RANBP2: variants seen among roughly 807,000 people sequenced by gnomAD.
RANBP2 encodes RAN binding protein 2.
A neutral mutation model predicts 303.6 loss-of-function variants in RANBP2; 57 were observed. The ratio of observed to expected loss-of-function variants is 0.19; its 90% CI spans 0.15 to 0.23. The LOEUF (loss-of-function observed/expected upper bound fraction) is 0.23. RANBP2 is among the 10% of genes least tolerant of loss of function. RANBP2 has a pLI of 1.00. For synonymous variants in RANBP2, 1,167 were observed against 1,301.5 expected, an observed-to-expected ratio of 0.90 and a Z score of 2.23; for missense variants, 3,138 against 3,780.8, an observed-to-expected ratio of 0.83 and a Z score of 4.46.
the RANBP2 span, among the ~76,000 whole-genome samples, chr2:108,835,525 C>G: frequency 6.6e-6 from 1 of 152,164 alleles, no homozygotes; most frequent in Non-Finnish European, 1.5e-5. Flanking sequence ...ATATTTTTCA[C>G]AAAGTATTGG....
At chr2:109,485,217 G>A in the RANBP2 span, among the ~76,000 whole-genome samples, 4 of 148,864 alleles carry the variant, frequency 2.7e-5, no homozygotes, top group Non-Finnish European at 4.5e-5. Context: ...GAATTAAGAC[G>A]GGAAATCTGT....
chr2:109,263,828 C>T, the RANBP2 span, among the ~76,000 whole-genome samples: 1 of 152,156 alleles, frequency 6.6e-6, no homozygotes, highest in South Asian at 2.1e-4. Context: ...ATTAGCTGGG[C>T]ATGGTGGCGG....
the RANBP2 span, among the ~76,000 whole-genome samples, chr2:109,428,725 C>T: frequency 8.9e-4 from 136 of 152,330 alleles, no homozygotes; most frequent in African/African-American, 3.1e-3. Flanking sequence ...TGTGAGAATC[C>T]GCAGAGGTGA....
chr2:109,080,780 A>G, the RANBP2 span, among the ~76,000 whole-genome samples: 7 of 152,346 alleles, frequency 4.6e-5, no homozygotes, highest in East Asian at 1.3e-3. Context: ...TATGTGTGTA[A>G]CCTCGTTCCT....
At chr2:108,808,007 G>C in the RANBP2 span, among the ~76,000 whole-genome samples, 1 of 152,100 alleles carries the variant, frequency 6.6e-6, no homozygotes, top group Non-Finnish European at 1.5e-5. Context: ...ATTATATTCT[G>C]TACTTCTGTG....
At chr2:109,403,057 G>A in the RANBP2 span, among the ~76,000 whole-genome samples, 4 of 152,190 alleles carry the variant, frequency 2.6e-5, no homozygotes, top group African/African-American at 7.2e-5. Context: ...AGGGGCTCTC[G>A]CTGTAATGGA....
At chr2:108,795,898 GA>G in the RANBP2 span, among the ~76,000 whole-genome samples, 2 of 152,244 alleles carry the variant, frequency 1.3e-5, no homozygotes, top group East Asian at 3.9e-4. Context: ...CAGGTTTTAG[GA>G]AGATTCCTTT....
At chr2:108,995,304 G>A in the RANBP2 span, among the ~76,000 whole-genome samples, 1 of 152,130 alleles carries the variant, frequency 6.6e-6, no homozygotes, top group Non-Finnish European at 1.5e-5. Flanking sequence ...GGGAATACAG[G>A]TGTGCCTGGC....
chr2:109,264,364 CT>C, the RANBP2 span, among the ~76,000 whole-genome samples: 1 of 151,530 alleles, frequency 6.6e-6, no homozygotes, highest in Non-Finnish European at 1.5e-5. Flanking sequence ...TCTGTGGGTG[CT>C]CCCCGTCCAC....
the RANBP2 span, among the ~76,000 whole-genome samples, chr2:109,640,316 C>G: frequency 2.6e-5 from 4 of 151,996 alleles, no homozygotes; most frequent in Non-Finnish European, 4.4e-5. Context: ...GCCAGGCATG[C>G]TGGTGCATGC....
At position 108,736,195 on chromosome 2, in the gene RANBP2, T is replaced by C. The variant is rs139151870; in HGVS notation, c.728T>C (p.Met243Thr). The change falls in exon 6 of 29, where the codon ATG becomes ACG. Residue 243 changes from methionine to threonine, a missense_variant. Physicochemically the swap from Met to Thr is moderately conservative, Grantham distance 81. This residue lies in a region of RANBP2 where 306 missense variants were observed against 381.9 expected (regional missense o/e 0.80). Coordinates refer to ENST00000283195, the MANE Select transcript of RANBP2 (RefSeq NM_006267.5). The stretch of plus-strand genomic sequence containing the variant: ...TTACTGCTGGCCTATGCTAATCTTA[T>C]GCTTCTTACGCTTTCCACTAGAGAT... ...TDLLLAYANL[M>T]LLTLSTRDVQ... 8.2e-4 allele frequency: 1,315 copies of C among 1,611,978 alleles called. 12 individuals are homozygous for C. The African/African-American group carries it at 0.016, about 19-fold the overall frequency.
chr2:108,965,097 G>C, the RANBP2 span, among the ~76,000 whole-genome samples: 1 of 151,824 alleles, frequency 6.6e-6, no homozygotes, highest in African/African-American at 2.4e-5. Context: ...GTGTGTGCAC[G>C]CAAGCATGTG....
the RANBP2 span, among the ~76,000 whole-genome samples, chr2:109,293,681 GA>G: frequency 6.6e-6 from 1 of 152,222 alleles, no homozygotes; most frequent in East Asian, 1.9e-4. Flanking sequence ...AGTTACATCG[GA>G]AAGTGAGTGT....
the RANBP2 span, among the ~76,000 whole-genome samples, chr2:109,335,180 G>A: frequency 2.6e-5 from 4 of 152,348 alleles, no homozygotes; most frequent in South Asian, 4.1e-4. Context: ...TGTTCCTTGC[G>A]CCTGATCTAG....
the RANBP2 span, among the ~76,000 whole-genome samples, chr2:109,458,020 T>A: frequency 6.6e-6 from 1 of 151,924 alleles, no homozygotes; most frequent in Non-Finnish European, 1.5e-5. Context: ...TTGTTGTGGT[T>A]TTATTTTGTT....
intron 6 of RANBP2, among the ~76,000 whole-genome samples, chr2:108,739,925 T>G (rs1573730211): frequency 6.6e-6 from 1 of 152,022 alleles, no homozygotes; most frequent in South Asian, 2.1e-4. Flanking sequence ...GAGGTGGAGG[T>G]TGCAGTGAGC....
the RANBP2 span, among the ~76,000 whole-genome samples, chr2:109,226,794 G>A: frequency 1.3e-5 from 2 of 152,188 alleles, no homozygotes; most frequent in Admixed American, 1.3e-4. Flanking sequence ...GGAACTTGTG[G>A]CTTAGTAAGA....
the RANBP2 span, among the ~76,000 whole-genome samples, chr2:109,717,540 C>A: frequency 2.6e-5 from 4 of 151,382 alleles, no homozygotes; most frequent in Non-Finnish European, 2.9e-5. Flanking sequence ...TGAGATCTTA[C>A]CATTGCATTC....
chr2:109,616,524 C>T, the RANBP2 span: 1 of 167,364 alleles, frequency 6.0e-6, no homozygotes. Context: ...GTGAAAACGA[C>T]AGGCTGCCCC....
Sources: allele counts gnomAD v4.1 joint callset (sites outside exome capture counted in the v4.1 genomes callset), GRCh38; gene constraint gnomAD v4.1.1; regional missense constraint gnomAD v4.1.1; transcripts MANE v1.5; gene names NCBI Gene and HGNC (gene_info 2026-07-23, HGNC 2026-07-21).